Variants in CHD6 observed in about 807,000 individuals in gnomAD.
CHD6 encodes the protein chromodomain helicase DNA binding protein 6, also known as ATP-dependent chromatin remodeler CHD6.
CHD6 carries 50 observed loss-of-function variants against 276.9 expected under a neutral mutation model. The ratio of observed to expected loss-of-function variants is 0.18; its 90% CI spans 0.14 to 0.23. CHD6 has a LOEUF of 0.23. Ranked by LOEUF, CHD6 falls within the 10% of genes least tolerant of loss-of-function variation. CHD6 has a pLI of 1.00. For synonymous variants in CHD6, 1,173 were observed against 1,229.3 expected (o/e 0.95, Z 0.96); for missense variants, 2,564 against 3,365.8 (o/e 0.76, Z 5.89).
chr20:41,496,643 T>G (rs909063447), intron 8 of CHD6, among the ~76,000 whole-genome samples: 1 of 152,242 alleles, frequency 6.6e-6, no homozygotes, highest in East Asian at 1.9e-4. Flanking sequence ...GTCAGTATTA[T>G]TCCTCCTTAA....
chr20:41,424,750 TC>T (rs2047307541), intron 29 of CHD6, among the ~76,000 whole-genome samples: 1 of 152,208 alleles, frequency 6.6e-6, no homozygotes. Flanking sequence ...ATTCTTTCCT[TC>T]TGGGCTTGTA....
At chr20:41,589,081 G>GT (rs2045628180) in intron 1 of CHD6, among the ~76,000 whole-genome samples, 1 of 152,074 alleles carries the variant, frequency 6.6e-6, no homozygotes, top group South Asian at 2.1e-4. Flanking sequence ...ATCAATAAAC[G>GT]TAATCTGGCA....
At position 41,433,133 on chromosome 20, in the gene CHD6, G is replaced by T. The variant is rs145651400; in HGVS notation, c.4068+4141C>A. Among the ~76,000 whole-genome samples, 417 of 151,172 alleles carry T rather than the reference G, an allele frequency of 2.8e-3. 2 individuals are homozygous for T. The highest frequency in any genetic ancestry group is 0.025 in the Middle Eastern group (7 of 284). Reference sequence around the variant, plus strand: ...AGAGACCCACAGGTCTATAACACAAGATCTAATTTTCATTTTATTGGTTTC... The same window carrying T: ...AGAGACCCACAGGTCTATAACACAATATCTAATTTTCATTTTATTGGTTTC... On this transcript the variant is annotated intron_variant, in intron 27 of 36. Coordinates refer to ENST00000373233, the MANE Select transcript of CHD6 (RefSeq NM_032221.5).
At chr20:41,469,843 C>T (rs1247782596) in intron 17 of CHD6, among the ~76,000 whole-genome samples, 2 of 152,204 alleles carry the variant, frequency 1.3e-5, no homozygotes, top group Non-Finnish European at 2.9e-5. Flanking sequence ...AGTAATATTG[C>T]TAAGATCTCT....
chr20:41,580,226 T>A (rs1205422156), intron 1 of CHD6, among the ~76,000 whole-genome samples: 1 of 152,216 alleles, frequency 6.6e-6, no homozygotes, highest in Non-Finnish European at 1.5e-5. Flanking sequence ...GTTTATGTTT[T>A]GCTCTGTAAC....
intron 17 of CHD6, among the ~76,000 whole-genome samples, chr20:41,460,388 G>A (rs922561080): frequency 2.0e-5 from 3 of 152,140 alleles, no homozygotes; most frequent in African/African-American, 7.2e-5. Flanking sequence ...AAGTCTTTAG[G>A]CCATGTCAGA....
intron 1 of CHD6, among the ~76,000 whole-genome samples, chr20:41,563,496 G>T (rs994251696): frequency 1.3e-5 from 2 of 152,112 alleles, no homozygotes; most frequent in Admixed American, 6.5e-5. Flanking sequence ...GGATCTCTGA[G>T]GTCACATGGC....
intron 2 of CHD6, among the ~76,000 whole-genome samples, chr20:41,549,618 A>G (rs1434767286): frequency 6.6e-6 from 1 of 151,504 alleles, no homozygotes; most frequent in Non-Finnish European, 1.5e-5. Flanking sequence ...CATTGTGCAC[A>G]TGTACCCTAA....
chr20:41,455,613 CCCTGACT>C (rs2145684083), intron 19 of CHD6, among the ~76,000 whole-genome samples, 180 bp downstream of exon 19: 1 of 152,280 alleles, frequency 6.6e-6, no homozygotes, highest in East Asian at 1.9e-4. Flanking sequence ...TTGGTATAGT[CCCTGACT>C]CCCTATTCAG....
At chr20:41,555,274 G>T in intron 1 of CHD6, among the ~76,000 whole-genome samples, 1 of 134,326 alleles carries the variant, frequency 7.4e-6, no homozygotes, top group Admixed American at 7.3e-5. Flanking sequence ...GCGGCTGGCC[G>T]GGCAGAGGGG....
chr20:41,477,245 T>TATAA lies in CHD6; in HGVS notation c.2469-3732_2469-3729dup, dbSNP rs369152941. On this transcript the variant is annotated intron_variant, in intron 16 of 36. Transcript: ENST00000373233. The stretch of plus-strand genomic sequence containing the variant: ...GACAGAGCAATACCCTGTCTCTAAA[T>TATAA]ATAAATAAATAAATAAATAAATAAT... Among the ~76,000 whole-genome samples the TATAA allele has an allele frequency of 5.3e-3, 800 of 151,878 alleles. 7 individuals carry two copies. Among genetic ancestry groups the TATAA allele is most frequent in the African/African-American group, 0.017 (696 of 41,422 alleles).
chr20:41,592,107 A>G lies in CHD6; in HGVS notation c.-24+26233T>C, dbSNP rs77174357. On this transcript the variant is annotated intron_variant, in intron 1 of 36. Coordinates refer to ENST00000373233, the MANE Select transcript of CHD6 (RefSeq NM_032221.5). ...GAGTGAGACTCTGTATCAAACAAAC[A>G]AAAAAAAAGAATTTCAAATCAGACT... 2.0e-5 allele frequency among the ~76,000 whole-genome samples: 3 copies of G among 149,968 alleles called. No individual in the cohort carries two copies. The South Asian group carries it at 6.4e-4, about 32-fold the overall frequency.
chr20:41,404,143 T>C lies in CHD6; in HGVS notation c.*450A>G, dbSNP rs1600772877. 9.4e-7 allele frequency: 1 copy of C among 1,059,128 alleles called. No homozygotes were observed. The highest frequency in any genetic ancestry group is 1.1e-6 in the Non-Finnish European group (1 of 875,872). The allele number at this position is 1,059,128 out of a possible 1,614,324, so 65.6% of individuals were successfully genotyped here. A position where few individuals can be genotyped will look rare whatever the true frequency, so the allele number is the denominator to read the frequency against. ...AAAATATGCACCAGCACTTCCTTTT[T>C]CTGTGCTTTTTGGTTCCCTGTGACA... On this transcript the variant is annotated 3_prime_UTR_variant, in exon 37 of 37. Transcript: ENST00000373233.
intron 14 of CHD6, among the ~76,000 whole-genome samples, chr20:41,486,847 T>G (rs1044503046): frequency 2.5e-4 from 37 of 148,490 alleles, no homozygotes; most frequent in Admixed American, 1.3e-4. Context: ...TTATGCTGGG[T>G]TTTTTTTTTT....
At chr20:41,422,960 C>T (rs1031666055) in intron 30 of CHD6, among the ~76,000 whole-genome samples, 2 of 152,180 alleles carry the variant, frequency 1.3e-5, no homozygotes, top group Admixed American at 1.3e-4. Context: ...CAGAGGAACT[C>T]CATCTACAAA....
In CHD6 at chr20:41,460,475, G is replaced by A. The variant is rs187551428; in HGVS notation, c.2665-3047C>T. 6.0e-4 allele frequency among the ~76,000 whole-genome samples: 91 copies of A among 152,308 alleles called. 1 individual carries two copies. Among genetic ancestry groups the A allele is most frequent in the African/African-American group, 2.1e-3 (87 of 41,574 alleles). On this transcript the variant is annotated intron_variant, in intron 17 of 36. Coordinates refer to ENST00000373233, the MANE Select transcript of CHD6 (RefSeq NM_032221.5). ...AGTGGTTTTGTGGGCTGGGCCCAGG[G>A]TCCCTGTGCTGTGTGCAGCCTAGGG...
Position 41,493,573 on chromosome 20 carries a change from C to T in CHD6, c.1279G>A (p.Glu427Lys), listed in dbSNP as rs748816674. The T allele has an allele frequency of 6.2e-7, 1 of 1,613,904 alleles. No homozygotes were observed. The change falls in exon 10 of 37, where the codon GAA (glutamate) becomes AAA (lysine). Residue 427 changes from glutamate to lysine, a missense_variant. Glu to Lys is a moderately conservative substitution (Grantham distance 56, BLOSUM62 1). Around this residue, in one of 7 missense-constraint regions of CHD6, gnomAD observed 457 missense variants for 889.0 expected, o/e 0.51. Coordinates refer to ENST00000373233, the MANE Select transcript of CHD6 (RefSeq NM_032221.5). ...DVDPAKVKEF[E>K]SLQVLPEIKH... The stretch of plus-strand genomic sequence containing the variant: ...ATTTCAGGGAGAACTTGAAGAGATT[C>T]AAATTCTTTAACTTTTGCAGGATCT...
chr20:41,437,574 T>C (rs1344737321), intron 26 of CHD6, among the ~76,000 whole-genome samples: 2 of 152,228 alleles, frequency 1.3e-5, no homozygotes, highest in African/African-American at 4.8e-5. Flanking sequence ...CATAGGTATG[T>C]TTATATAGGA....
intron 1 of CHD6, among the ~76,000 whole-genome samples, chr20:41,585,524 A>G (rs892558198): frequency 6.6e-6 from 1 of 151,990 alleles, no homozygotes; most frequent in African/African-American, 2.4e-5. Context: ...AAAAAAAAAA[A>G]AAAAAAAGAA....
Sources: allele counts gnomAD v4.1 joint callset (sites outside exome capture counted in the v4.1 genomes callset), GRCh38; gene constraint gnomAD v4.1.1; regional missense constraint gnomAD v4.1.1; transcripts MANE v1.5; gene names NCBI Gene and HGNC (gene_info 2026-07-23, HGNC 2026-07-21).